The following ADD1 variants were observed in gnomAD, a reference collection of about 807,000 sequenced individuals.
ADD1 encodes adducin 1.
ADD1 carries 24 observed loss-of-function variants against 80.5 expected under a neutral mutation model. The observed-to-expected ratio is 0.30, with a 90% CI of 0.22 to 0.42. The LOEUF (loss-of-function observed/expected upper bound fraction) is 0.42, where lower values mean the gene tolerates loss of function less well. Ranked by LOEUF, ADD1 falls within the 10% of genes least tolerant of loss-of-function variation. The pLI is 1.00. For missense variants in ADD1, 948 were observed against 1,019.0 expected (o/e 0.93, Z 0.95); for synonymous variants, 373 against 393.8 (o/e 0.95, Z 0.63).
intron 4 of ADD1, among the ~76,000 whole-genome samples, chr4:2,887,186 A>G (rs913264194): frequency 2.6e-5 from 4 of 152,216 alleles, no homozygotes; most frequent in Non-Finnish European, 5.9e-5. Context: ...AGAATCTTTA[A>G]GGAAGAAAGG....
At chr4:2,888,174 C>T (rs1192837390) in intron 4 of ADD1, among the ~76,000 whole-genome samples, 1 of 151,270 alleles carries the variant, frequency 6.6e-6, no homozygotes, top group Non-Finnish European at 1.5e-5. Flanking sequence ...ATCCTCCTGC[C>T]TCAGCCTCCC....
At chr4:2,848,282 A>G (rs1483267912) in intron 1 of ADD1, among the ~76,000 whole-genome samples, 1 of 152,156 alleles carries the variant, frequency 6.6e-6, no homozygotes, top group Non-Finnish European at 1.5e-5. Context: ...TTAATTGTTA[A>G]TGCTTATTCT....
At position 2,928,313 on chromosome 4, in the gene ADD1, A is replaced by G. The variant is rs1485811552; in HGVS notation, c.2190A>G (p.Pro730=). Residue 730 remains proline (P), a synonymous_variant, in exon 16 of 16, where the codon CCA becomes CCG. Coordinates refer to ENST00000683351, the MANE Select transcript of ADD1 (RefSeq NM_001354761.2). The part of the protein sequence containing the change: ...LEKEEEAHRP[P]SPTEAPTEAS... ...AGGAGGAGGAAGCCCATAGACCCCC[A>G]AGCCCCACTGAGGCCCCTACTGAGG... 2.5e-6 allele frequency: 4 copies of G among 1,613,782 alleles called. No homozygotes were observed.
intron 4 of ADD1, among the ~76,000 whole-genome samples, chr4:2,884,996 C>T (rs1423241340): frequency 6.6e-6 from 1 of 152,176 alleles, no homozygotes; most frequent in Admixed American, 6.5e-5. Context: ...CTGACCAAAG[C>T]CTTCCGTCTC....
intron 2 of ADD1, among the ~76,000 whole-genome samples, chr4:2,879,597 C>G (rs1243997505): frequency 6.6e-6 from 1 of 152,074 alleles, no homozygotes; most frequent in Non-Finnish European, 1.5e-5. Flanking sequence ...CTGTGATGTT[C>G]AGGAGATGCC....
rs369006185 is a variant in ADD1 at position 2,876,150 on chromosome 4, T to A, written c.195+40T>A. ...CTTTTCTCTGACCAGATGTCATCTT[T>A]CCTTTTCTAATACTTCAGGTCTTAT... On this transcript the variant is annotated intron_variant, in intron 2 of 15. Coordinates refer to ENST00000683351, the MANE Select transcript of ADD1 (RefSeq NM_001354761.2). The A allele has an allele frequency of 3.2e-6, 5 of 1,574,286 alleles. No individual in the cohort carries two copies. In the African/African-American group the frequency reaches 6.8e-5, roughly 21 times the overall value.
intron 1 of ADD1, among the ~76,000 whole-genome samples, chr4:2,866,909 A>T (rs1420597701): frequency 1.3e-5 from 2 of 152,118 alleles, no homozygotes; most frequent in Admixed American, 1.3e-4. Context: ...CATCTCTACA[A>T]AAAATATAAT....
At chr4:2,872,956 T>C (rs902284799) in intron 1 of ADD1, among the ~76,000 whole-genome samples, 1 of 152,080 alleles carries the variant, frequency 6.6e-6, no homozygotes, top group African/African-American at 2.4e-5. Context: ...TGCATGTTTT[T>C]CCCTTTCTCT....
chr4:2,852,850 C>T (rs1727524452), intron 1 of ADD1, among the ~76,000 whole-genome samples: 1 of 151,832 alleles, frequency 6.6e-6, no homozygotes, highest in South Asian at 2.1e-4. Flanking sequence ...CAGACCCACC[C>T]CACCACACCC....
At chr4:2,921,940 G>C (rs1379051804) in intron 14 of ADD1, among the ~76,000 whole-genome samples, 3 of 151,542 alleles carry the variant, frequency 2.0e-5, no homozygotes, top group African/African-American at 7.3e-5. Flanking sequence ...ATTGATGCTT[G>C]TGTATGCCTC....
In ADD1 at chr4:2,894,690, G is replaced by A. The variant is rs560749760; in HGVS notation, c.700G>A (p.Val234Met). Residue 234 changes from valine (V) to methionine (M), a missense_variant, in exon 6 of 16, where the codon GTG (valine) becomes ATG (methionine). Coordinates refer to ENST00000683351, the MANE Select transcript of ADD1 (RefSeq NM_001354761.2). ...TGCAATTTATGCTGCACGCCCGGAC[G>A]TGAAGTGCGTCGTGCACATTCACAC... is the stretch of plus-strand genomic sequence containing the variant. ...HSAIYAARPD[V>M]KCVVHIHTPA... The A allele has an allele frequency of 3.3e-5, 53 of 1,601,228 alleles. No homozygotes were observed. Among genetic ancestry groups the A allele is most frequent in the Non-Finnish European group, 4.3e-5 (51 of 1,176,610 alleles).
At chr4:2,911,123 T>G (rs1737947403) in intron 13 of ADD1, among the ~76,000 whole-genome samples, 1 of 152,144 alleles carries the variant, frequency 6.6e-6, no homozygotes, top group South Asian at 2.1e-4. Flanking sequence ...AGTTGAGTTT[T>G]TCCTTGACCA....
intron 1 of ADD1, among the ~76,000 whole-genome samples, chr4:2,861,751 G>A (rs1728850237): frequency 6.6e-6 from 1 of 152,148 alleles, no homozygotes; most frequent in South Asian, 2.1e-4. Flanking sequence ...TATCTAGGTG[G>A]CTCTAATGTA....
At chr4:2,846,801 A>G (rs1246654755) in intron 1 of ADD1, among the ~76,000 whole-genome samples, 1 of 142,142 alleles carries the variant, frequency 7.0e-6, no homozygotes, top group Non-Finnish European at 1.5e-5. Context: ...ACTTCACTGC[A>G]CTACTCTGTC....
intron 1 of ADD1, among the ~76,000 whole-genome samples, chr4:2,874,477 C>T (rs1033280637): frequency 2.6e-5 from 4 of 151,654 alleles, no homozygotes; most frequent in South Asian, 4.2e-4. Flanking sequence ...TGTGGTGGCA[C>T]GTGCCTGTAA....
chr4:2,907,724 A>T lies in ADD1; in HGVS notation c.1507-19A>T. 6.2e-7 allele frequency: 1 copy of T among 1,601,574 alleles called. No homozygotes were observed. Among genetic ancestry groups the T allele is most frequent in the Non-Finnish European group, 8.6e-7 (1 of 1,168,862 alleles). ...TTGTTGTCATAATTCTGACTTTTCA[A>T]CTGTTCTTGATATTACAGTGGACTA... On this transcript the variant is annotated intron_variant, in intron 10 of 15. Coordinates refer to ENST00000683351, the MANE Select transcript of ADD1 (RefSeq NM_001354761.2).
At chr4:2,897,575 G>A (rs1310857154) in intron 6 of ADD1, among the ~76,000 whole-genome samples, 14 of 142,882 alleles carry the variant, frequency 9.8e-5, no homozygotes, top group Middle Eastern at 3.6e-3. Context: ...TAGGAGATGA[G>A]GGTCTCATAT....
chr4:2,869,139 A>G (rs1305041551), intron 1 of ADD1, among the ~76,000 whole-genome samples: 1 of 152,070 alleles, frequency 6.6e-6, no homozygotes, highest in East Asian at 1.9e-4. Flanking sequence ...CTTTCCTGAC[A>G]GCCCCTCTCT....
At chr4:2,856,584 GTTTTTT>G (rs35341139) in intron 1 of ADD1, among the ~76,000 whole-genome samples, 1 of 105,812 alleles carries the variant, frequency 9.5e-6, no homozygotes, top group Non-Finnish European at 1.9e-5. Flanking sequence ...GGTTACTAGA[GTTTTTT>G]TTTTTTTTTT....
Sources: gnomAD v4.1 joint callset for allele counts (sites outside exome capture counted in the v4.1 genomes callset) on GRCh38, gnomAD v4.1.1 for gene constraint, MANE v1.5 for transcripts, NCBI Gene and HGNC (gene_info 2026-07-23, HGNC 2026-07-21) for gene names.